CAMKMT: variants seen among roughly 807,000 people sequenced by gnomAD.
CAMKMT encodes CaM KMT.
A neutral mutation model predicts 48.0 loss-of-function variants in CAMKMT; 53 were observed. The observed-to-expected ratio is 1.10, with a 90% CI of 0.89 to 1.39. CAMKMT has a LOEUF of 1.39. Among genes scored for constraint, CAMKMT ranks in the 40% most tolerant of loss-of-function variants. CAMKMT has a pLI of 0.00. For synonymous variants in CAMKMT, 165 were observed against 152.3 expected, an observed-to-expected ratio of 1.08 and a Z score of -0.61; for missense variants, 428 against 402.7, an observed-to-expected ratio of 1.06 and a Z score of -0.54.
intron 3 of CAMKMT, among the ~76,000 whole-genome samples, chr2:44,538,756 C>T (rs1295641535): frequency 6.8e-6 from 1 of 147,786 alleles, no homozygotes; most frequent in East Asian, 2.0e-4. Context: ...CCACTTGTAC[C>T]CCCAAAGCTA....
chr2:44,549,615 C>T (rs1466218197), intron 3 of CAMKMT: 2 of 680,586 alleles, frequency 2.9e-6, no homozygotes, highest in South Asian at 1.6e-5. Flanking sequence ...CTCAGTGCAG[C>T]CTCAAACTCC....
intron 3 of CAMKMT, among the ~76,000 whole-genome samples, chr2:44,436,333 C>T (rs1666250438): frequency 6.6e-6 from 1 of 152,118 alleles, no homozygotes; most frequent in Admixed American, 6.5e-5. Flanking sequence ...CCACCTCAGC[C>T]TCCCAAAGTG....
intron 3 of CAMKMT, among the ~76,000 whole-genome samples, chr2:44,467,725 A>C (rs775908478): frequency 3.9e-5 from 6 of 152,196 alleles, no homozygotes; most frequent in Admixed American, 6.5e-5. Flanking sequence ...CTGATTTTTG[A>C]GAAAGGTATT....
chr2:44,382,304 G>A (rs978323314), intron 2 of CAMKMT, among the ~76,000 whole-genome samples: 1 of 151,792 alleles, frequency 6.6e-6, no homozygotes, highest in African/African-American at 2.4e-5. Context: ...TTCCATATTA[G>A]TGTAAATAAC....
intron 2 of CAMKMT, among the ~76,000 whole-genome samples, chr2:44,376,136 C>T (rs1246114586): frequency 6.6e-6 from 1 of 151,996 alleles, no homozygotes; most frequent in Non-Finnish European, 1.5e-5. Flanking sequence ...TTGGGCTGGG[C>T]ACAGTGGCTC....
At chr2:44,546,200 CACAT>C (rs1553412668) in intron 3 of CAMKMT, among the ~76,000 whole-genome samples, 18 of 143,618 alleles carry the variant, frequency 1.3e-4, no homozygotes, top group East Asian at 1.0e-3. Flanking sequence ...CACACACACA[CACAT>C]ACATGCACAT....
chr2:44,484,951 G>A (rs1047261353), intron 3 of CAMKMT, among the ~76,000 whole-genome samples: 1 of 151,978 alleles, frequency 6.6e-6, no homozygotes, highest in African/African-American at 2.4e-5. Flanking sequence ...CCAAATGGCC[G>A]ATAAACAGAA....
At chr2:44,534,856 A>G (rs1666681039) in intron 3 of CAMKMT, among the ~76,000 whole-genome samples, 1 of 152,142 alleles carries the variant, frequency 6.6e-6, no homozygotes, top group African/African-American at 2.4e-5. Flanking sequence ...AAATTACTAA[A>G]AGGAAAGAAA....
At chr2:44,679,437 T>C (rs944413457) in intron 3 of CAMKMT, among the ~76,000 whole-genome samples, 2 of 152,136 alleles carry the variant, frequency 1.3e-5, no homozygotes, top group African/African-American at 4.8e-5. Context: ...TCTTTGAACT[T>C]CTGAGTGGAG....
intron 3 of CAMKMT, among the ~76,000 whole-genome samples, chr2:44,502,900 T>C (rs1024258228): frequency 2.0e-5 from 3 of 152,172 alleles, no homozygotes; most frequent in Non-Finnish European, 4.4e-5. Context: ...TTTGGGGGTA[T>C]AGAAAACATT....
chr2:44,447,380 A>G (rs139339567), intron 3 of CAMKMT, among the ~76,000 whole-genome samples: 5 of 152,194 alleles, frequency 3.3e-5, no homozygotes, highest in Admixed American at 2.6e-4. Context: ...CCTCCTCCAA[A>G]TATTCATAAC....
At chr2:44,365,811 A>G (rs1296515668) in intron 1 of CAMKMT, among the ~76,000 whole-genome samples, 1 of 152,256 alleles carries the variant, frequency 6.6e-6, no homozygotes, top group African/African-American at 2.4e-5. Context: ...ACACGTATTT[A>G]CAAACCACCT....
rs548851445 is a variant in CAMKMT at position 44,743,504 on chromosome 2, T to G, written c.624-118T>G. 1.1e-5 allele frequency: 7 copies of G among 651,174 alleles called. No homozygotes were observed. In the South Asian group the frequency reaches 1.4e-4, roughly 13 times the overall value. The allele number at this position is 651,174 out of a possible 1,614,324, so 40.3% of individuals were successfully genotyped here. A position where few individuals can be genotyped will look rare whatever the true frequency, so the allele number is the denominator to read the frequency against. ...CTATTTTTTATTATACCTTTTGAAA[T>G]AATTTGTATATACCTTTTAAATAAT... On this transcript the variant is annotated intron_variant, in intron 7 of 10. Coordinates refer to ENST00000378494, the MANE Select transcript of CAMKMT (RefSeq NM_024766.5).
intron 2 of CAMKMT, among the ~76,000 whole-genome samples, chr2:44,389,479 C>G (rs890440371): frequency 6.6e-6 from 1 of 151,956 alleles, no homozygotes; most frequent in Non-Finnish European, 1.5e-5. Flanking sequence ...TTATTACAAA[C>G]TTTTATAACA....
intron 3 of CAMKMT, among the ~76,000 whole-genome samples, chr2:44,504,451 A>G (rs2850298): frequency 0.71 from 107,955 of 151,486 alleles, 38,603 homozygotes; most frequent in Admixed American, 0.78. Flanking sequence ...TGATTCCATA[A>G]AAGTGAATAT....
In CAMKMT at chr2:44,772,101, C is replaced by A. The variant is rs1297310147; in HGVS notation, c.960C>A (p.Thr320=). 2 of 1,613,166 alleles carry A rather than the reference C, an allele frequency of 1.2e-6. No homozygotes were observed. The highest frequency in any genetic ancestry group is 1.7e-6 in the Non-Finnish European group (2 of 1,179,436). The change falls in exon 11 of 11, where the codon ACC becomes ACA. Residue 320 remains threonine (T), a synonymous_variant. Coordinates refer to ENST00000378494, the MANE Select transcript of CAMKMT (RefSeq NM_024766.5). ...NLHYPLLLIL[T]KHG is the part of the protein sequence containing the mutation. ...ATTACCCGCTTCTGCTTATTTTGAC[C>A]AAACATGGATAGAAGATTAAGCTTC...
chr2:44,655,432 G>T (rs1674323208), intron 3 of CAMKMT, among the ~76,000 whole-genome samples: 1 of 152,098 alleles, frequency 6.6e-6, no homozygotes, highest in Admixed American at 6.5e-5. Context: ...TCTTGCTGGA[G>T]GCAAAATGTC....
chr2:44,468,342 C>A (rs1048711903), intron 3 of CAMKMT, among the ~76,000 whole-genome samples: 1 of 152,020 alleles, frequency 6.6e-6, no homozygotes, highest in African/African-American at 2.4e-5. Context: ...AACGAAAAGA[C>A]AAAAAATAAC....
Position 44,569,718 on chromosome 2 carries a change from C to T in CAMKMT, c.377-134565C>T, listed in dbSNP as rs943184000. Among the ~76,000 whole-genome samples the T allele has an allele frequency of 3.3e-5, 5 of 152,190 alleles. No homozygotes were observed. In the East Asian group the frequency reaches 9.6e-4, roughly 29 times the overall value. On this transcript the variant is annotated intron_variant, in intron 3 of 10. Transcript: ENST00000378494. Reference sequence around the variant, plus strand: ...TTGGGCCCTAGTCATCGCCAATCCTCTTTCCTCTATTTCCTCTGTGCATTA... The same window carrying T: ...TTGGGCCCTAGTCATCGCCAATCCTTTTTCCTCTATTTCCTCTGTGCATTA...
Sources: gnomAD v4.1 joint callset for allele counts (sites outside exome capture counted in the v4.1 genomes callset) on GRCh38, gnomAD v4.1.1 for gene constraint, MANE v1.5 for transcripts, NCBI Gene and HGNC (gene_info 2026-07-23, HGNC 2026-07-21) for gene names.